Variants in XXYLT1 observed in about 807,000 individuals in gnomAD.
The protein encoded by XXYLT1 is UDP-xylose:alpha-xyloside alpha-1,3-xylosyltransferase.
In XXYLT1, 20 loss-of-function variants were observed where a neutral mutation model predicts 28.9. The observed-to-expected ratio is 0.69, with a 90% CI of 0.49 to 1.00. The LOEUF (loss-of-function observed/expected upper bound fraction) is 1.00. XXYLT1 is among the 50% of genes least tolerant of loss of function. The pLI is 0.00. For synonymous variants in XXYLT1, 257 were observed against 253.8 expected, an observed-to-expected ratio of 1.01 and a Z score of -0.12; for missense variants, 542 against 560.1, an observed-to-expected ratio of 0.97 and a Z score of 0.33.
chr3:195,128,465 CT>C (rs754155101), intron 3 of XXYLT1, among the ~76,000 whole-genome samples: 3 of 152,128 alleles, frequency 2.0e-5, no homozygotes, highest in Non-Finnish European at 4.4e-5. Flanking sequence ...GAAACCAGAC[CT>C]CCCCATCCTC....
intron 2 of XXYLT1, among the ~76,000 whole-genome samples, chr3:195,221,987 T>C (rs1476064746): frequency 2.0e-5 from 3 of 152,154 alleles, no homozygotes; most frequent in Admixed American, 2.0e-4. Flanking sequence ...CAGGACCCCT[T>C]CGTTCTTCCT....
At chr3:195,072,470 G>GGCTCA (rs1311968440) in intron 3 of XXYLT1, among the ~76,000 whole-genome samples, 2 of 152,152 alleles carry the variant, frequency 1.3e-5, no homozygotes, top group East Asian at 3.9e-4. Flanking sequence ...GAGCTCGCTG[G>GGCTCA]GCTCAGGAGA....
intron 2 of XXYLT1, among the ~76,000 whole-genome samples, chr3:195,166,263 T>A (rs978119758): frequency 1.3e-5 from 2 of 152,240 alleles, no homozygotes; most frequent in African/African-American, 4.8e-5. Flanking sequence ...TAATTAAATT[T>A]TAATTTCATT....
At chr3:195,110,858 A>AGTGTGTGTGGTGT (rs1560101739) in intron 3 of XXYLT1, among the ~76,000 whole-genome samples, 1 of 11,876 alleles carries the variant, frequency 8.4e-5, no homozygotes, top group Admixed American at 9.6e-4. Flanking sequence ...GTGTTGTATA[A>AGTGTGTGTGGTGT]GTGTGTGTGT....
intron 3 of XXYLT1, among the ~76,000 whole-genome samples, chr3:195,088,356 T>G (rs1715906645): frequency 6.8e-6 from 1 of 146,810 alleles, no homozygotes; most frequent in South Asian, 2.3e-4. Flanking sequence ...GCAGACTGCC[T>G]CCTCAAGTGG....
At chr3:195,095,042 T>C (rs889421032) in intron 3 of XXYLT1, among the ~76,000 whole-genome samples, 6 of 152,224 alleles carry the variant, frequency 3.9e-5, no homozygotes, top group African/African-American at 1.4e-4. Context: ...TCCGCATCGC[T>C]GACAAGCCCC....
chr3:195,076,814 T>C lies in XXYLT1; in HGVS notation c.786-6703A>G, dbSNP rs1715148029. Among the ~76,000 whole-genome samples, 1 of 152,164 alleles carries C rather than the reference T, an allele frequency of 6.6e-6. No homozygotes were observed. Among genetic ancestry groups the C allele is most frequent in the South Asian group, 2.1e-4 (1 of 4,834 alleles). Reference sequence around the variant, plus strand: ...TTCTCCCTGCGTGCACGTGCCTCTGTGTCCACATTGCCCCTTTCTATCAAG... The same window carrying C: ...TTCTCCCTGCGTGCACGTGCCTCTGCGTCCACATTGCCCCTTTCTATCAAG... On this transcript the variant is annotated intron_variant, in intron 3 of 3. Transcript: ENST00000310380. This position sits in a 1 kb window ranked among gnomAD's most constrained non-coding sequence, Gnocchi z 5.3.
intron 3 of XXYLT1, among the ~76,000 whole-genome samples, chr3:195,107,622 GGGAGGAGGAGGGGGAGGA>G (rs1717214043): frequency 4.4e-5 from 1 of 22,818 alleles, no homozygotes; most frequent in Non-Finnish European, 8.3e-5. Flanking sequence ...GAGGAGGAGG[GGGAGGAGGAGGGGGAGGA>G]GGAGGAGGAG....
intron 3 of XXYLT1, among the ~76,000 whole-genome samples, chr3:195,084,268 C>T (rs1715600969): frequency 6.6e-6 from 1 of 152,134 alleles, no homozygotes; most frequent in African/African-American, 2.4e-5. Context: ...AACCACAGAG[C>T]AGGCTGTGGG....
rs990894656 is a variant in XXYLT1 at position 195,129,134 on chromosome 3, G to A, written c.785+27315C>T. Reference sequence around the variant, plus strand: ...AAATATTGTGTGGGGGGAAGGTCGCGGCTAACATAGAGAGGGACAGCAGAG... The same window carrying A: ...AAATATTGTGTGGGGGGAAGGTCGCAGCTAACATAGAGAGGGACAGCAGAG... On this transcript the variant is annotated intron_variant, in intron 3 of 3. Coordinates refer to ENST00000310380, the MANE Select transcript of XXYLT1 (RefSeq NM_152531.5). This position sits in a 1 kb window ranked among gnomAD's most constrained non-coding sequence, Gnocchi z 4.4. Among the ~76,000 whole-genome samples the A allele has an allele frequency of 3.3e-5, 5 of 152,110 alleles. No homozygotes were observed. Among genetic ancestry groups the A allele is most frequent in the East Asian group, 1.9e-4 (1 of 5,190 alleles).
chr3:195,192,330 T>C (rs1274319771), intron 2 of XXYLT1, among the ~76,000 whole-genome samples: 1 of 151,078 alleles, frequency 6.6e-6, no homozygotes, highest in African/African-American at 2.4e-5. Context: ...GAGGCCGAGG[T>C]TGTAGAATTG....
At chr3:195,144,015 T>C (rs890877043) in intron 3 of XXYLT1, among the ~76,000 whole-genome samples, 30 of 148,904 alleles carry the variant, frequency 2.0e-4, no homozygotes, top group African/African-American at 7.1e-4. Context: ...CTGCTCAGAC[T>C]CCCAAGTAGC....
At chr3:195,178,313 T>C (rs1258777523) in intron 2 of XXYLT1, among the ~76,000 whole-genome samples, 2 of 152,286 alleles carry the variant, frequency 1.3e-5, no homozygotes, top group South Asian at 4.1e-4. Context: ...CTAATCACCA[T>C]ACAATCCCCA....
chr3:195,243,417 G>A (rs570518198), intron 1 of XXYLT1, among the ~76,000 whole-genome samples: 4 of 150,948 alleles, frequency 2.6e-5, no homozygotes, highest in Admixed American at 2.6e-4. Context: ...TTTCCACCGA[G>A]AACCTTTACC....
rs114037633 is a variant in XXYLT1, at chr3:195,147,294, G to T, written c.785+9155C>A. Among the ~76,000 whole-genome samples, 1,028 of 152,292 alleles carry T rather than the reference G, an allele frequency of 6.8e-3. 9 individuals carry two copies. Among genetic ancestry groups the T allele is most frequent in the South Asian group, 0.012 (59 of 4,828 alleles). Reference sequence around the variant, plus strand: ...AAATAAAAAACTGAGAATAGGCTGGGCATGGTGACTCACACCTGTAATCCC... The same window carrying T: ...AAATAAAAAACTGAGAATAGGCTGGTCATGGTGACTCACACCTGTAATCCC... On this transcript the variant is annotated intron_variant, in intron 3 of 3. Transcript: ENST00000310380.
At chr3:195,131,634 C>A (rs544720468) in intron 3 of XXYLT1, among the ~76,000 whole-genome samples, 1 of 152,324 alleles carries the variant, frequency 6.6e-6, no homozygotes, top group African/African-American at 2.4e-5. Context: ...AAACTGAGAA[C>A]TGAGAACCTC....
At chr3:195,164,480 G>A (rs1721017689) in intron 2 of XXYLT1, among the ~76,000 whole-genome samples, 1 of 152,188 alleles carries the variant, frequency 6.6e-6, no homozygotes, top group Admixed American at 6.5e-5. Flanking sequence ...CTCACACTTT[G>A]TTCCTTCTTT....
At chr3:195,246,255 G>C (rs192891779) in intron 1 of XXYLT1, among the ~76,000 whole-genome samples, 36 of 152,300 alleles carry the variant, frequency 2.4e-4, no homozygotes, top group Admixed American at 1.6e-3. Context: ...GGAAGACAAG[G>C]CTGTCACGAC....
chr3:195,134,784 C>T (rs1719082762), intron 3 of XXYLT1, among the ~76,000 whole-genome samples: 1 of 152,028 alleles, frequency 6.6e-6, no homozygotes, highest in South Asian at 2.1e-4. Flanking sequence ...GAAACGCTTT[C>T]CATCCGTATT....
Sources: allele counts gnomAD v4.1 joint callset (sites outside exome capture counted in the v4.1 genomes callset), GRCh38; gene constraint gnomAD v4.1.1; non-coding constraint Gnocchi (gnomAD v3.1); transcripts MANE v1.5; gene names NCBI Gene and HGNC (gene_info 2026-07-23, HGNC 2026-07-21).